Variants in AHCTF1 observed in about 807,000 individuals in gnomAD.
AHCTF1 encodes the protein protein ELYS.
In AHCTF1, 24 loss-of-function variants were observed where a neutral mutation model predicts 248.4. The observed-to-expected ratio is 0.10, with a 90% confidence interval of 0.07 to 0.14. AHCTF1 has a LOEUF of 0.14. Among genes scored for constraint, AHCTF1 ranks in the 10% least tolerant of loss-of-function variants. The pLI, the probability that AHCTF1 is intolerant of heterozygous loss-of-function variation, is 1.00. For missense variants in AHCTF1, 2,206 were observed against 2,636.2 expected, an observed-to-expected ratio of 0.84 and a Z score of 3.57; for synonymous variants, 786 against 929.8, an observed-to-expected ratio of 0.85 and a Z score of 2.81.
intron 12 of AHCTF1, among the ~76,000 whole-genome samples, chr1:246,896,884 A>T (rs1386660762): frequency 6.6e-6 from 1 of 152,234 alleles, no homozygotes; most frequent in Non-Finnish European, 1.5e-5. Flanking sequence ...AATGGTCCAC[A>T]AAACCTAAGA....
At chr1:246,855,221 C>T (rs1661030092) in intron 31 of AHCTF1, among the ~76,000 whole-genome samples, 1 of 152,122 alleles carries the variant, frequency 6.6e-6, no homozygotes, top group African/African-American at 2.4e-5. Flanking sequence ...GTCTGCTTCC[C>T]CTGAATCCAA....
chr1:246,850,746 C>T lies in AHCTF1; in HGVS notation c.5260G>A (p.Ala1754Thr). Residue 1754 changes from alanine to threonine, a missense_variant, in exon 33 of 36, where the codon GCA becomes ACA. This residue lies in a region of AHCTF1 where 955 missense variants were observed against 1,055.6 expected (regional missense o/e 0.90). Transcript: ENST00000648844. ...QRIQNVNVKS[A>T]QQEASADVAT... is the part of the protein sequence containing the mutation. ...ACATCTGCTGATGCTTCCTGTTGTG[C>T]TGATTTGACATTCACGTTTTGGATA... 6.2e-7 allele frequency: 1 copy of T among 1,613,804 alleles called. No individual in the cohort carries two copies. The highest frequency in any genetic ancestry group is 8.5e-7 in the Non-Finnish European group (1 of 1,179,806).
At chr1:246,849,118 T>G (rs982059644) in intron 33 of AHCTF1, among the ~76,000 whole-genome samples, 2 of 152,118 alleles carry the variant, frequency 1.3e-5, no homozygotes, top group Non-Finnish European at 2.9e-5. Context: ...CTCGTGACAA[T>G]GAAGGATGGC....
intron 1 of AHCTF1, among the ~76,000 whole-genome samples, chr1:246,925,731 G>A (rs1358284562): frequency 8.5e-5 from 13 of 152,100 alleles, no homozygotes; most frequent in Admixed American, 8.5e-4. Context: ...GGTCATGGGA[G>A]AGGACCCCTC....
At chr1:246,865,915 T>A (rs936886960) in intron 26 of AHCTF1, among the ~76,000 whole-genome samples, 2 of 152,188 alleles carry the variant, frequency 1.3e-5, no homozygotes, top group Non-Finnish European at 2.9e-5. Context: ...TAGTGGTATT[T>A]AAAAAATTGA....
intron 24 of AHCTF1, among the ~76,000 whole-genome samples, chr1:246,873,279 A>T (rs1351152232): frequency 6.6e-6 from 1 of 152,176 alleles, no homozygotes; most frequent in Non-Finnish European, 1.5e-5. Flanking sequence ...ATCACCATAT[A>T]AAAAAATAGA....
At chr1:246,866,060 CG>C (rs1385384174) in intron 26 of AHCTF1, among the ~76,000 whole-genome samples, 2 of 152,120 alleles carry the variant, frequency 1.3e-5, no homozygotes, top group Non-Finnish European at 2.9e-5. Context: ...GATGTACCCA[CG>C]GATGTTATCT....
intron 31 of AHCTF1, among the ~76,000 whole-genome samples, chr1:246,855,150 G>C (rs956916604): frequency 2.0e-5 from 3 of 152,170 alleles, no homozygotes; most frequent in Admixed American, 1.3e-4. Flanking sequence ...GTGCTGTGAG[G>C]ATTAAATGAG....
chr1:246,859,212 C>A (rs2103061564), intron 29 of AHCTF1, among the ~76,000 whole-genome samples: 1 of 152,326 alleles, frequency 6.6e-6, no homozygotes, highest in African/African-American at 2.4e-5. Flanking sequence ...TCTTAAACTA[C>A]TTAAGATGCA....
chr1:246,913,539 T>C (rs1226924096), intron 3 of AHCTF1, 127 bp from the exon 4 acceptor site: 19 of 805,060 alleles, frequency 2.4e-5, no homozygotes, highest in Non-Finnish European at 3.3e-5. Flanking sequence ...AATTTGCATT[T>C]GATACTTGTG....
chr1:246,899,762 AT>A (rs772017552), intron 10 of AHCTF1, among the ~76,000 whole-genome samples: 53 of 152,328 alleles, frequency 3.5e-4, no homozygotes, highest in African/African-American at 1.1e-3. Context: ...AGCAAAAAAA[AT>A]AAAAGCTACT....
intron 16 of AHCTF1, among the ~76,000 whole-genome samples, chr1:246,890,717 T>G (rs980138631): frequency 6.6e-6 from 1 of 152,228 alleles, no homozygotes; most frequent in Middle Eastern, 3.4e-3. Flanking sequence ...TTTCTCAAAT[T>G]TGCTTTCCTT....
intron 7 of AHCTF1, among the ~76,000 whole-genome samples, chr1:246,903,430 G>A (rs371074920): frequency 1.1e-4 from 17 of 152,114 alleles, no homozygotes; most frequent in African/African-American, 2.2e-4. Context: ...AGAGGAAAAC[G>A]GTATCTGAGA....
intron 19 of AHCTF1, among the ~76,000 whole-genome samples, chr1:246,887,652 A>T (rs1158776393): frequency 6.6e-6 from 1 of 152,220 alleles, no homozygotes; most frequent in Non-Finnish European, 1.5e-5. Context: ...ACAAAGATAT[A>T]CGCAAATTTC....
intron 1 of AHCTF1, among the ~76,000 whole-genome samples, chr1:246,921,895 G>A (rs1430405861): frequency 6.6e-6 from 1 of 152,194 alleles, no homozygotes; most frequent in African/African-American, 2.4e-5. Context: ...GAGGCAGCAA[G>A]AATGATGATG....
intron 34 of AHCTF1, among the ~76,000 whole-genome samples, chr1:246,843,020 C>T (rs1300447011): frequency 6.6e-6 from 1 of 152,210 alleles, no homozygotes; most frequent in African/African-American, 2.4e-5. Flanking sequence ...AATGTTTCCA[C>T]TGTCTACTGC....
chr1:246,920,493 C>A (rs1318335329), intron 1 of AHCTF1, among the ~76,000 whole-genome samples: 1 of 152,128 alleles, frequency 6.6e-6, no homozygotes, highest in Non-Finnish European at 1.5e-5. Flanking sequence ...TTAAACCAGC[C>A]GGGCGTGGTG....
At chr1:246,883,758 C>T (rs1010691257) in intron 21 of AHCTF1, among the ~76,000 whole-genome samples, 2 of 152,066 alleles carry the variant, frequency 1.3e-5, no homozygotes, top group Admixed American at 6.6e-5. Flanking sequence ...TGTATAGGAG[C>T]CTTAATGTGC....
At position 246,931,567 on chromosome 1, in the gene AHCTF1, C is replaced by A; in HGVS notation, c.-8+11G>T. Reference sequence around the variant, plus strand: ...CGCGCGGGCCCAACCCCCTCCCTCCCTTCCCCCTACCTGAACGGGGCGGGT... The same window carrying A: ...CGCGCGGGCCCAACCCCCTCCCTCCATTCCCCCTACCTGAACGGGGCGGGT... On this transcript the variant is annotated intron_variant, in intron 1 of 35. Coordinates refer to ENST00000648844, the MANE Select transcript of AHCTF1 (RefSeq NM_001323342.2). The A allele has an allele frequency of 4.9e-6, 1 of 202,842 alleles. No homozygotes were observed. Among genetic ancestry groups the A allele is most frequent in the South Asian group, 1.5e-4 (1 of 6,678 alleles). The allele number at this position is 202,842 out of a possible 1,614,324, so 12.6% of individuals were successfully genotyped here.
Sources: gnomAD v4.1 joint callset for allele counts (sites outside exome capture counted in the v4.1 genomes callset) on GRCh38, gnomAD v4.1.1 for gene constraint, gnomAD v4.1.1 regional missense constraint, MANE v1.5 for transcripts, NCBI Gene and HGNC (gene_info 2026-07-23, HGNC 2026-07-21) for gene names.